Variants in PRKCSH observed in about 807,000 individuals in gnomAD.
PRKCSH encodes PRKCSH beta subunit of glucosidase II.
PRKCSH carries 42 observed loss-of-function variants against 79.7 expected under a neutral mutation model. That is an observed-to-expected ratio of 0.53 (90% CI 0.41 to 0.68). The LOEUF (loss-of-function observed/expected upper bound fraction) is 0.68. Among genes scored for constraint, PRKCSH ranks in the 30% least tolerant of loss-of-function variants. PRKCSH has a pLI of 0.00. For missense variants in PRKCSH, 686 were observed against 709.0 expected (o/e 0.97, Z 0.37); for synonymous variants, 325 against 288.2 (o/e 1.13, Z -1.29).
At chr19:11,443,329 C>T (rs974631974) in intron 7 of PRKCSH, among the ~76,000 whole-genome samples, 3 of 151,918 alleles carry the variant, frequency 2.0e-5, no homozygotes, top group African/African-American at 4.8e-5. Context: ...AGGCAGATCA[C>T]GAGGTCAGGA....
chr19:11,437,866 T>C lies in PRKCSH; in HGVS notation c.197-10T>C. On this transcript the variant is annotated splice_polypyrimidine_tract_variant and intron_variant, in intron 3 of 17. Transcript: ENST00000677123. ...GACTCCGAAAACCTTCCCTCCCTTC[T>C]TCCTCACAGGCACGGCTGCCTGTCC... 6.2e-7 allele frequency: 1 copy of C among 1,613,788 alleles called. No individual in the cohort carries two copies. The highest frequency in any genetic ancestry group is 8.5e-7 in the Non-Finnish European group (1 of 1,179,642).
chr19:11,449,054 C>G lies in PRKCSH; in HGVS notation c.1362-22C>G. The G allele has an allele frequency of 6.2e-7, 1 of 1,613,278 alleles. No individual in the cohort carries two copies. On this transcript the variant is annotated intron_variant, in intron 15 of 17. Coordinates refer to ENST00000677123, the MANE Select transcript of PRKCSH (RefSeq NM_001289104.2). The surrounding 1 kb of genome is among the most constrained non-coding windows in gnomAD (Gnocchi z 6.4). ...GGTGCCCCGACACCGGCCCAGCCCTCAGCACCCTGTGTCTCTCACAGCACC... is the reference window on the plus strand; with the variant it reads ...GGTGCCCCGACACCGGCCCAGCCCTGAGCACCCTGTGTCTCTCACAGCACC...
chr19:11,448,763 G>C lies in PRKCSH; in HGVS notation c.1286+134G>C. 7.6e-7 allele frequency: 1 copy of C among 1,312,324 alleles called. No homozygotes were observed. The highest frequency in any genetic ancestry group is 1.1e-6 in the Non-Finnish European group (1 of 912,804). 81.3% of individuals were successfully genotyped at this position (1,312,324 alleles called of 1,614,324 possible). On this transcript the variant is annotated intron_variant, in intron 14 of 17. Coordinates refer to ENST00000677123, the MANE Select transcript of PRKCSH (RefSeq NM_001289104.2). This position sits in a 1 kb window ranked among gnomAD's most constrained non-coding sequence, Gnocchi z 4.4. ...CCGAGAGTGCTGCCTTCCATATTGA[G>C]GGGGAGCAGAAGCCAGGGGCCAGGT... is the stretch of plus-strand genomic sequence containing the variant.
At position 11,449,619 on chromosome 19, in the gene PRKCSH, T is replaced by G. The variant is rs924949578; in HGVS notation, c.*16+191T>G. Reference sequence around the variant, plus strand: ...GTGCAGTGATGCGACCTCAGCTGACTGCAACCTCTACCTCCCGGGTTCAAA... The same window carrying G: ...GTGCAGTGATGCGACCTCAGCTGACGGCAACCTCTACCTCCCGGGTTCAAA... On this transcript the variant is annotated intron_variant, in intron 17 of 17. Coordinates refer to ENST00000677123, the MANE Select transcript of PRKCSH (RefSeq NM_001289104.2). The surrounding 1 kb of genome is among the most constrained non-coding windows in gnomAD (Gnocchi z 6.4). 1.5e-6 allele frequency: 1 copy of G among 689,222 alleles called. No individual in the cohort carries two copies. Among genetic ancestry groups the G allele is most frequent in the East Asian group, 2.8e-5 (1 of 36,062 alleles). The allele number at this position is 689,222 out of a possible 1,614,324, so 42.7% of individuals were successfully genotyped here. A position where few individuals can be genotyped will look rare whatever the true frequency, so the allele number is the denominator to read the frequency against.
At chr19:11,444,337 G>T (rs1360225310) in intron 7 of PRKCSH, among the ~76,000 whole-genome samples, 1 of 152,134 alleles carries the variant, frequency 6.6e-6, no homozygotes, top group African/African-American at 2.4e-5. Context: ...AAGGGTGGCG[G>T]GGCTGAGCCA....
Position 11,448,758 on chromosome 19 carries a change from A to T in PRKCSH, c.1286+129A>T. On this transcript the variant is annotated intron_variant, in intron 14 of 17. Coordinates refer to ENST00000677123, the MANE Select transcript of PRKCSH (RefSeq NM_001289104.2). The surrounding 1 kb of genome is among the most constrained non-coding windows in gnomAD (Gnocchi z 4.4). ...GGGGCCCGAGAGTGCTGCCTTCCAT[A>T]TTGAGGGGGAGCAGAAGCCAGGGGC... 1 of 1,304,876 alleles carries T rather than the reference A, an allele frequency of 7.7e-7. No individual in the cohort carries two copies. Among genetic ancestry groups the T allele is most frequent in the Non-Finnish European group, 1.1e-6 (1 of 906,108 alleles). The allele number at this position is 1,304,876 out of a possible 1,614,324, so 80.8% of individuals were successfully genotyped here.
intron 7 of PRKCSH, 49 bp downstream of exon 7, chr19:11,442,564 G>C: frequency 3.1e-6 from 5 of 1,598,074 alleles, no homozygotes; most frequent in Non-Finnish European, 4.3e-6. Context: ...GGTGGGAGCA[G>C]GTCTGGGCCT....
At chr19:11,438,921 T>G (rs1029880358) in intron 5 of PRKCSH, among the ~76,000 whole-genome samples, 10 of 151,952 alleles carry the variant, frequency 6.6e-5, no homozygotes, top group African/African-American at 2.4e-4. Context: ...TTATTTATAT[T>G]TTTTGAGACA....
rs1970500870 is a variant in PRKCSH at position 11,449,644 on chromosome 19, A to G, written c.*16+216A>G. 3.3e-6 allele frequency: 2 copies of G among 607,298 alleles called. No individual in the cohort carries two copies. The highest frequency in any genetic ancestry group is 2.0e-5 in the South Asian group (1 of 50,968). The allele number at this position is 607,298 out of a possible 1,614,324, so 37.6% of individuals were successfully genotyped here. A position where few individuals can be genotyped will look rare whatever the true frequency, so the allele number is the denominator to read the frequency against. Reference sequence around the variant, plus strand: ...TGCAACCTCTACCTCCCGGGTTCAAACAATTGTCTTGTCTCAGCCTCCCAA... The same window carrying G: ...TGCAACCTCTACCTCCCGGGTTCAAGCAATTGTCTTGTCTCAGCCTCCCAA... On this transcript the variant is annotated intron_variant, in intron 17 of 17. Coordinates refer to ENST00000677123, the MANE Select transcript of PRKCSH (RefSeq NM_001289104.2). The surrounding 1 kb of genome is among the most constrained non-coding windows in gnomAD (Gnocchi z 6.4).
intron 3 of PRKCSH, among the ~76,000 whole-genome samples, 188 bp from the exon 4 acceptor site, chr19:11,437,687 GC>G (rs1969840192): frequency 6.6e-6 from 1 of 152,228 alleles, no homozygotes; most frequent in African/African-American, 2.4e-5. Context: ...GTGAGAAGAG[GC>G]AGGAGGCGGC....
chr19:11,448,531 C>A lies in PRKCSH; in HGVS notation c.1197-9C>A. 1 of 1,613,456 alleles carries A rather than the reference C, an allele frequency of 6.2e-7. No homozygotes were observed. The highest frequency in any genetic ancestry group is 2.2e-5 in the East Asian group (1 of 44,874). ...AGCTGCCCCTTAACCGCTCCGCCTC[C>A]CCTTCCAGGAACCTGGAGCAAGAGA... is the stretch of plus-strand genomic sequence containing the variant. On this transcript the variant is annotated splice_polypyrimidine_tract_variant and intron_variant, in intron 13 of 17. Coordinates refer to ENST00000677123, the MANE Select transcript of PRKCSH (RefSeq NM_001289104.2). The surrounding 1 kb of genome is among the most constrained non-coding windows in gnomAD (Gnocchi z 4.4).
chr19:11,441,470 C>T, intron 6 of PRKCSH, 113 bp downstream of exon 6: 2 of 974,354 alleles, frequency 2.1e-6, no homozygotes, highest in Non-Finnish European at 3.3e-6. Context: ...GGGCAAGTGA[C>T]TGCCTTTCGG....
At position 11,441,130 on chromosome 19, in the gene PRKCSH, C is replaced by G; in HGVS notation, c.351-110C>G. On this transcript the variant is annotated intron_variant, in intron 5 of 17. Coordinates refer to ENST00000677123, the MANE Select transcript of PRKCSH (RefSeq NM_001289104.2). ...GGAGGAAGGCTTGCTCTCATCTTTC[C>G]CAGCATGGCTTGGTGGGGGGCCACA... 4.7e-6 allele frequency: 5 copies of G among 1,065,956 alleles called. No individual in the cohort carries two copies. The South Asian group carries it at 6.3e-5, about 13-fold the overall frequency. The allele number at this position is 1,065,956 out of a possible 1,614,324, so 66.0% of individuals were successfully genotyped here.
chr19:11,445,664 G>C (rs1970262856), intron 8 of PRKCSH, 191 bp downstream of exon 8: 1 of 657,956 alleles, frequency 1.5e-6, no homozygotes, highest in East Asian at 2.8e-5. Flanking sequence ...TGGGCGAGGA[G>C]ATAGGGGGAC....
intron 6 of PRKCSH, among the ~76,000 whole-genome samples, chr19:11,441,846 CCT>C (rs935729656): frequency 6.6e-6 from 1 of 152,142 alleles, no homozygotes; most frequent in African/African-American, 2.4e-5. Flanking sequence ...CCTGGATTTG[CCT>C]CAAGGCATTC....
chr19:11,435,651 C>T lies in PRKCSH; in HGVS notation c.-133C>T, dbSNP rs1318931959. On this transcript the variant is annotated 5_prime_UTR_variant, in exon 1 of 18. Coordinates refer to ENST00000677123, the MANE Select transcript of PRKCSH (RefSeq NM_001289104.2). ...TTCCGCTTTCTTTCTGCAGCAGGAA[C>T]CGCGGCTGCTGGACAAGAGGGGTGC... 6.2e-6 allele frequency: 8 copies of T among 1,282,068 alleles called. No homozygotes were observed. Among genetic ancestry groups the T allele is most frequent in the Admixed American group, 4.6e-5 (2 of 43,710 alleles). The allele number at this position is 1,282,068 out of a possible 1,614,324, so 79.4% of individuals were successfully genotyped here. A position where few individuals can be genotyped will look rare whatever the true frequency, so the allele number is the denominator to read the frequency against.
chr19:11,437,465 C>T (rs924944157), intron 3 of PRKCSH, among the ~76,000 whole-genome samples: 36 of 152,154 alleles, frequency 2.4e-4, no homozygotes, highest in African/African-American at 8.0e-4. Flanking sequence ...GATTCTCCTG[C>T]CTCAGCCTCC....
intron 8 of PRKCSH, chr19:11,445,946 G>A: frequency 1.9e-6 from 1 of 512,822 alleles, no homozygotes; most frequent in Non-Finnish European, 3.5e-6. Context: ...GGTGGGCTTT[G>A]CTGGGTGGGG....
intron 5 of PRKCSH, among the ~76,000 whole-genome samples, chr19:11,439,639 C>G (rs1265418415): frequency 2.0e-5 from 2 of 102,170 alleles, no homozygotes; most frequent in Non-Finnish European, 3.5e-5. Flanking sequence ...TTTTGTGAGA[C>G]AGAGTCTCAC....
Sources: gnomAD v4.1 joint callset for allele counts (sites outside exome capture counted in the v4.1 genomes callset) on GRCh38, gnomAD v4.1.1 for gene constraint, Gnocchi (gnomAD v3.1) non-coding constraint, MANE v1.5 for transcripts, NCBI Gene and HGNC (gene_info 2026-07-23, HGNC 2026-07-21) for gene names.